Variants in CCDC6 observed in about 807,000 individuals in gnomAD.
CCDC6 encodes the protein coiled-coil domain-containing protein 6.
A neutral mutation model predicts 56.6 loss-of-function variants in CCDC6; 20 were observed. That is an observed-to-expected ratio of 0.35 (90% CI 0.25 to 0.51). CCDC6 has a LOEUF of 0.51. Ranked by LOEUF, CCDC6 falls within the 20% of genes least tolerant of loss-of-function variation. CCDC6 has a pLI of 0.95. For synonymous variants in CCDC6, 241 were observed against 234.4 expected, an observed-to-expected ratio of 1.03 and a Z score of -0.26; for missense variants, 367 against 601.1, an observed-to-expected ratio of 0.61 and a Z score of 4.07.
intron 1 of CCDC6, among the ~76,000 whole-genome samples, chr10:59,893,151 A>G (rs1414382727): frequency 6.6e-6 from 1 of 152,236 alleles, no homozygotes; most frequent in Non-Finnish European, 1.5e-5. Context: ...CTAGCAAAAC[A>G]AATCTATTAA....
At chr10:59,871,140 T>C (rs2071225758) in intron 1 of CCDC6, among the ~76,000 whole-genome samples, 1 of 152,206 alleles carries the variant, frequency 6.6e-6, no homozygotes. Flanking sequence ...AATGCTTTCA[T>C]GTATTATACA....
chr10:59,882,934 TG>T (rs1157090377), intron 1 of CCDC6, among the ~76,000 whole-genome samples: 7 of 151,202 alleles, frequency 4.6e-5, no homozygotes, highest in African/African-American at 1.5e-4. Flanking sequence ...CACTCCAGCC[TG>T]GGCGACAGAG....
At position 59,812,510 on chromosome 10, in the gene CCDC6, T is replaced by C. The variant is rs572536361; in HGVS notation, c.847+125A>G. The C allele has an allele frequency of 8.5e-5, 51 of 601,392 alleles. No homozygotes were observed. The African/African-American group carries it at 9.0e-4, about 11-fold the overall frequency. 37.3% of individuals were successfully genotyped at this position (601,392 alleles called of 1,614,324 possible). A position where few individuals can be genotyped will look rare whatever the true frequency, so the allele number is the denominator to read the frequency against. ...CCAGGATGATGAACTTAAGTAAACA[T>C]GCATCAGTAATATATGAATTTAATT... On this transcript the variant is annotated intron_variant, in intron 5 of 8. Coordinates refer to ENST00000263102, the MANE Select transcript of CCDC6 (RefSeq NM_005436.5).
At position 59,835,408 on chromosome 10, in the gene CCDC6, G is replaced by C. The variant is rs573546810; in HGVS notation, c.454-2755C>G. Among the ~76,000 whole-genome samples, 120 of 152,286 alleles carry C rather than the reference G, an allele frequency of 7.9e-4. 1 individual carries two copies. Among genetic ancestry groups the C allele is most frequent in the African/African-American group, 2.8e-3 (115 of 41,564 alleles). Reference sequence around the variant, plus strand: ...TTTAGGTACTTCCTTTAAGACTATAGATTGAACTAGTAACAAAGCCTAACA... The same window carrying C: ...TTTAGGTACTTCCTTTAAGACTATACATTGAACTAGTAACAAAGCCTAACA... On this transcript the variant is annotated intron_variant, in intron 2 of 8. Transcript: ENST00000263102.
intron 1 of CCDC6, among the ~76,000 whole-genome samples, chr10:59,864,403 TACAAA>T (rs2071159591): frequency 6.6e-6 from 1 of 152,160 alleles, no homozygotes; most frequent in Admixed American, 6.6e-5. Context: ...TTCTTTTCCT[TACAAA>T]ACAAAGTTAG....
At chr10:59,881,562 G>A (rs1384435640) in intron 1 of CCDC6, among the ~76,000 whole-genome samples, 3 of 152,132 alleles carry the variant, frequency 2.0e-5, no homozygotes, top group Non-Finnish European at 4.4e-5. Context: ...TCACTGGGGG[G>A]TTCTTGCATA....
chr10:59,825,976 G>A (rs1217597786), intron 3 of CCDC6, among the ~76,000 whole-genome samples: 2 of 152,056 alleles, frequency 1.3e-5, no homozygotes, highest in Non-Finnish European at 2.9e-5. Flanking sequence ...GATGATGAGG[G>A]GCACTGAGAT....
intron 6 of CCDC6, 195 bp downstream of exon 6, chr10:59,806,727 C>T (rs2070628023): frequency 1.1e-5 from 5 of 456,222 alleles, no homozygotes; most frequent in African/African-American, 3.9e-5. Flanking sequence ...TTTTTTTCAT[C>T]TTTTTGTGTT....
rs10561094 is a variant in CCDC6 at position 59,797,588 on chromosome 10, C to CAA, written c.1106-2993_1106-2992dup. ...GTAGCCAATGAACTGAACCTCCTAGCAAAAAAAAAAAAAAAAAAAAAAAAA... is the reference window on the plus strand; with the variant it reads ...GTAGCCAATGAACTGAACCTCCTAGCAAAAAAAAAAAAAAAAAAAAAAAAAAA... On this transcript the variant is annotated intron_variant, in intron 7 of 8. Transcript: ENST00000263102. Among the ~76,000 whole-genome samples, 234 of 31,606 alleles carry CAA rather than the reference C, an allele frequency of 7.4e-3. 15 individuals are homozygous for CAA. The highest frequency in any genetic ancestry group is 9.6e-3 in the Non-Finnish European group (192 of 20,038). The allele number at this position is 31,606 out of a possible 152,430, so 20.7% of individuals were successfully genotyped here.
chr10:59,871,134 C>T (rs2071225739), intron 1 of CCDC6, among the ~76,000 whole-genome samples: 1 of 152,032 alleles, frequency 6.6e-6, no homozygotes, highest in Admixed American at 6.6e-5. Context: ...AAATAAAATG[C>T]TTTCATGTAT....
chr10:59,815,255 T>C (rs781357088), intron 3 of CCDC6, among the ~76,000 whole-genome samples: 14 of 152,074 alleles, frequency 9.2e-5, no homozygotes, highest in Non-Finnish European at 1.8e-4. Flanking sequence ...ACGCACAAAA[T>C]ATGATAAACA....
chr10:59,881,898 G>T lies in CCDC6; in HGVS notation c.303+24224C>A, dbSNP rs542421654. On this transcript the variant is annotated intron_variant, in intron 1 of 8. Coordinates refer to ENST00000263102, the MANE Select transcript of CCDC6 (RefSeq NM_005436.5). The stretch of plus-strand genomic sequence containing the variant: ...TGGGAGGGGCACACTGAATACTTAC[G>T]AATACTTAGGAATGAAGTGCTCTTG... Among the ~76,000 whole-genome samples the T allele has an allele frequency of 5.8e-4, 88 of 152,242 alleles. 1 individual carries two copies. The South Asian group carries it at 9.5e-3, about 16-fold the overall frequency.
At chr10:59,817,616 T>C (rs939369502) in intron 3 of CCDC6, among the ~76,000 whole-genome samples, 6 of 152,206 alleles carry the variant, frequency 3.9e-5, no homozygotes, top group African/African-American at 1.4e-4. Flanking sequence ...CATTTTGCGG[T>C]ATGATGTCTA....
At chr10:59,903,348 T>G (rs11819256) in intron 1 of CCDC6, among the ~76,000 whole-genome samples, 1 of 152,098 alleles carries the variant, frequency 6.6e-6, no homozygotes, top group Non-Finnish European at 1.5e-5. Context: ...ACCACTATGA[T>G]GAAAGATGTT....
chr10:59,878,175 A>G (rs1399202515), intron 1 of CCDC6, among the ~76,000 whole-genome samples: 1 of 152,230 alleles, frequency 6.6e-6, no homozygotes, highest in Non-Finnish European at 1.5e-5. Context: ...ATTATAAACT[A>G]TAGATTTATG....
rs1313995854 is a variant in CCDC6 at position 59,794,496 on chromosome 10, T to C, written c.1207A>G (p.Met403Val). 3 of 1,614,054 alleles carry C rather than the reference T, an allele frequency of 1.9e-6. No homozygotes were observed. The highest frequency in any genetic ancestry group is 3.3e-5 in the Admixed American group (2 of 60,012). ...ACTGTGATACCATGGGATGTTCCCATGTGCTGCACGTGAAGACCCGGGGAA... is the reference window on the plus strand; with the variant it reads ...ACTGTGATACCATGGGATGTTCCCACGTGCTGCACGTGAAGACCCGGGGAA... ...YNSPGLHVQH[M>V]GTSHGITRPS... is the part of the protein sequence containing the mutation. Residue 403 changes from methionine to valine, a missense_variant, in exon 8 of 9, where the codon ATG becomes GTG. Coordinates refer to ENST00000263102, the MANE Select transcript of CCDC6 (RefSeq NM_005436.5).
chr10:59,825,986 T>C (rs1216736287), intron 3 of CCDC6, among the ~76,000 whole-genome samples: 4 of 152,344 alleles, frequency 2.6e-5, no homozygotes, highest in African/African-American at 7.2e-5. Context: ...GGCACTGAGA[T>C]GAGTGAGGGT....
intron 1 of CCDC6, among the ~76,000 whole-genome samples, chr10:59,885,187 G>T (rs569075681): frequency 1.3e-5 from 2 of 152,172 alleles, no homozygotes; most frequent in South Asian, 4.2e-4. Context: ...ATCTAGTTTG[G>T]ATACATTTGT....
intron 1 of CCDC6, among the ~76,000 whole-genome samples, chr10:59,870,059 C>A (rs1454516692): frequency 6.6e-6 from 1 of 152,154 alleles, no homozygotes; most frequent in African/African-American, 2.4e-5. Flanking sequence ...TTCTTTCCAT[C>A]GAGGATGTAT....
Sources: gnomAD v4.1 joint callset for allele counts (sites outside exome capture counted in the v4.1 genomes callset) on GRCh38, gnomAD v4.1.1 for gene constraint, MANE v1.5 for transcripts, NCBI Gene and HGNC (gene_info 2026-07-23, HGNC 2026-07-21) for gene names.